CCSER1: variants seen among roughly 807,000 people sequenced by gnomAD.
The protein encoded by CCSER1 is serine-rich coiled-coil domain-containing protein 1.
A neutral mutation model predicts 82.0 loss-of-function variants in CCSER1; 41 were observed. That is an observed-to-expected ratio of 0.50 (90% CI 0.39 to 0.65). The LOEUF (loss-of-function observed/expected upper bound fraction) is 0.65. Ranked by LOEUF, CCSER1 falls within the 30% of genes least tolerant of loss-of-function variation. The probability of loss-of-function intolerance (pLI) is 0.00; values close to 1 mark genes in which losing one functional copy is unlikely to be tolerated. For synonymous variants in CCSER1, 414 were observed against 383.9 expected (o/e 1.08, Z -0.92); for missense variants, 1,119 against 1,064.2 (o/e 1.05, Z -0.72).
intron 10 of CCSER1, among the ~76,000 whole-genome samples, chr4:91,536,040 A>G (rs1455971077): frequency 6.6e-6 from 1 of 152,080 alleles, no homozygotes; most frequent in Non-Finnish European, 1.5e-5. Flanking sequence ...ATGTAAATAT[A>G]TATTTTTCCA....
intron 10 of CCSER1, among the ~76,000 whole-genome samples, chr4:91,528,866 G>T (rs537172977): frequency 6.6e-6 from 1 of 152,040 alleles, no homozygotes; most frequent in African/African-American, 2.4e-5. Context: ...ATTTATCTGG[G>T]TATAAAATAC....
intron 1 of CCSER1, among the ~76,000 whole-genome samples, chr4:90,292,693 G>T (rs1418447688): frequency 2.0e-5 from 3 of 151,722 alleles, no homozygotes; most frequent in African/African-American, 4.8e-5. Flanking sequence ...AGCTGCAATT[G>T]TTTGTGGATA....
intron 10 of CCSER1, among the ~76,000 whole-genome samples, chr4:91,544,976 G>T (rs541172294): frequency 6.6e-6 from 1 of 152,048 alleles, no homozygotes; most frequent in African/African-American, 2.4e-5. Context: ...CTTCCTAGCC[G>T]CTTTCTTTAC....
At chr4:91,554,464 AT>A (rs1407909496) in intron 10 of CCSER1, among the ~76,000 whole-genome samples, 2 of 151,376 alleles carry the variant, frequency 1.3e-5, no homozygotes, top group African/African-American at 4.9e-5. Context: ...GCACAAAAAA[AT>A]CTTAAGAACT....
chr4:91,107,205 G>T (rs1405133521), intron 10 of CCSER1, among the ~76,000 whole-genome samples: 1 of 152,140 alleles, frequency 6.6e-6, no homozygotes, highest in Non-Finnish European at 1.5e-5. Flanking sequence ...ATCTAGGTTT[G>T]TGTAAGTCGA....
At chr4:91,318,085 T>C (rs1745951523) in intron 10 of CCSER1, among the ~76,000 whole-genome samples, 1 of 151,886 alleles carries the variant, frequency 6.6e-6, no homozygotes, top group African/African-American at 2.4e-5. Context: ...AATACACTCT[T>C]GCTGGTCATT....
At chr4:91,372,543 G>GAA (rs201213730) in intron 10 of CCSER1, among the ~76,000 whole-genome samples, 1 of 148,086 alleles carries the variant, frequency 6.8e-6, no homozygotes, top group African/African-American at 2.5e-5. Flanking sequence ...TTCTTTTTTT[G>GAA]AAAAAAAAGC....
At chr4:90,185,377 T>C (rs1390198610) in intron 1 of CCSER1, among the ~76,000 whole-genome samples, 1 of 152,046 alleles carries the variant, frequency 6.6e-6, no homozygotes, top group Admixed American at 6.6e-5. Flanking sequence ...CCTAGTTGAG[T>C]ACTTGAAAGG....
intron 10 of CCSER1, among the ~76,000 whole-genome samples, chr4:91,505,886 G>C (rs1046794712): frequency 6.6e-6 from 1 of 152,088 alleles, no homozygotes; most frequent in African/African-American, 2.4e-5. Flanking sequence ...CCATTCTGTG[G>C]GTTGTCTGTT....
At chr4:91,269,446 A>G (rs1017119367) in intron 10 of CCSER1, among the ~76,000 whole-genome samples, 1 of 152,194 alleles carries the variant, frequency 6.6e-6, no homozygotes, top group Non-Finnish European at 1.5e-5. Context: ...GGTGCTACAT[A>G]AAAGCTTGAA....
chr4:91,515,172 T>C (rs971814643), intron 10 of CCSER1, among the ~76,000 whole-genome samples: 4 of 152,184 alleles, frequency 2.6e-5, no homozygotes, highest in African/African-American at 7.2e-5. Context: ...GGATTTCTTA[T>C]AGTTAACATA....
intron 10 of CCSER1, among the ~76,000 whole-genome samples, chr4:91,253,828 A>G (rs1433948511): frequency 4.6e-5 from 7 of 152,148 alleles, no homozygotes; most frequent in Non-Finnish European, 1.0e-4. Context: ...GTGAGACGTC[A>G]CACATGGTGC....
intron 9 of CCSER1, among the ~76,000 whole-genome samples, chr4:90,946,851 C>T (rs1732310576): frequency 6.6e-6 from 1 of 152,130 alleles, no homozygotes; most frequent in African/African-American, 2.4e-5. Flanking sequence ...CTAGATGGCA[C>T]TGGAGAAACA....
chr4:90,694,252 A>G (rs1579970998), intron 6 of CCSER1, among the ~76,000 whole-genome samples: 1 of 113,952 alleles, frequency 8.8e-6, no homozygotes, highest in Non-Finnish European at 1.9e-5. Flanking sequence ...TACCTTGCTA[A>G]CTAACTACTT....
intron 9 of CCSER1, 147 bp from the exon 10 acceptor site, chr4:91,085,803 C>T: frequency 3.3e-6 from 2 of 597,550 alleles, no homozygotes; most frequent in South Asian, 2.1e-5. Context: ...TAGACACATA[C>T]ACACCCATGA....
rs573893194 is a variant in CCSER1, at chr4:91,011,985, C to A, written c.2173-73965C>A. The stretch of plus-strand genomic sequence containing the variant: ...AATACAGCTCCAGGGAAGCTAAGTA[C>A]TAGAATTGTTTGACCTTTTGGGTAA... On this transcript the variant is annotated intron_variant, in intron 9 of 10. Transcript: ENST00000509176. Among the ~76,000 whole-genome samples the A allele has an allele frequency of 3.7e-5, 5 of 134,744 alleles. 1 individual carries two copies. Among genetic ancestry groups the A allele is most frequent in the Non-Finnish European group, 8.6e-5 (5 of 57,814 alleles). 88.4% of individuals were successfully genotyped at this position (134,744 alleles called of 152,430 possible). A position where few individuals can be genotyped will look rare whatever the true frequency, so the allele number is the denominator to read the frequency against.
At chr4:90,957,523 TCA>T (rs1681890274) in intron 9 of CCSER1, among the ~76,000 whole-genome samples, 3 of 96,910 alleles carry the variant, frequency 3.1e-5, no homozygotes, top group African/African-American at 7.0e-5. Context: ...TAACATAATA[TCA>T]TATATTATAT....
intron 10 of CCSER1, among the ~76,000 whole-genome samples, chr4:91,238,828 A>ATT (rs5860225): frequency 0.011 from 1,607 of 146,436 alleles, 24 homozygotes; most frequent in African/African-American, 0.033. Flanking sequence ...TATTTTAAGC[A>ATT]TTTTTTTTTT....
intron 9 of CCSER1, among the ~76,000 whole-genome samples, chr4:91,038,576 T>C (rs1741652575): frequency 6.6e-6 from 1 of 152,184 alleles, no homozygotes; most frequent in Admixed American, 6.6e-5. Flanking sequence ...CAACAATTAA[T>C]TTTAATGACA....
Sources: gnomAD v4.1 joint callset for allele counts (sites outside exome capture counted in the v4.1 genomes callset) on GRCh38, gnomAD v4.1.1 for gene constraint, MANE v1.5 for transcripts, NCBI Gene and HGNC (gene_info 2026-07-23, HGNC 2026-07-21) for gene names.